Variants in TYW5 observed in about 807,000 individuals in gnomAD.
TYW5 encodes tRNA wybutosine-synthesizing protein 5.
TYW5 carries 36 observed loss-of-function variants against 44.4 expected under a neutral mutation model. The ratio of observed to expected loss-of-function variants is 0.81; its 90% CI spans 0.62 to 1.07. The LOEUF (loss-of-function observed/expected upper bound fraction) is 1.07. Ranked by LOEUF, TYW5 falls within the 50% of genes least tolerant of loss-of-function variation. The pLI is 0.00. For synonymous variants in TYW5, 121 were observed against 128.1 expected (o/e 0.94, Z 0.37); for missense variants, 354 against 365.7 (o/e 0.97, Z 0.26).
At position 199,933,194 on chromosome 2, in the gene TYW5, C is replaced by T; in HGVS notation, c.821G>A (p.Arg274Lys). ...YGNKDPTAAS[R>K]AAQILDRALK... is the part of the protein sequence containing the mutation. ...GGCTCTGTCCAGAATTTGTGCAGCT[C>T]TTGATGCTGCTGTAGGATCTTTGTT... The change falls in exon 8 of 8, where the codon AGA becomes AAA. Residue 274 changes from arginine (R) to lysine (K), a missense_variant. By Grantham distance (26) the Arg-to-Lys change is conservative (BLOSUM62 2). Coordinates refer to ENST00000354611, the MANE Select transcript of TYW5 (RefSeq NM_001039693.3). The T allele has an allele frequency of 6.2e-7, 1 of 1,614,118 alleles. No homozygotes were observed. Among genetic ancestry groups the T allele is most frequent in the Non-Finnish European group, 8.5e-7 (1 of 1,180,030 alleles).
Position 199,950,727 on chromosome 2 carries a change from GC to G in TYW5, c.79-2256del, listed in dbSNP as rs556537312. ...TGTCCAGGATTGGTTCCTACCTTGTGCCCTGAGCTGCCAGGAGAGACTCTGG... is the reference window on the plus strand; with the variant it reads ...TGTCCAGGATTGGTTCCTACCTTGTGCCTGAGCTGCCAGGAGAGACTCTGG... On this transcript the variant is annotated intron_variant, in intron 1 of 7. Transcript: ENST00000354611. Among the ~76,000 whole-genome samples, 8 of 152,290 alleles carry G rather than the reference GC, an allele frequency of 5.3e-5. No individual in the cohort carries two copies. The South Asian group carries it at 1.7e-3, about 32-fold the overall frequency.
rs754249115 is a variant in TYW5 at position 199,932,403 on chromosome 2, T to C, written c.*664A>G. 3.3e-5 allele frequency: 5 copies of C among 152,274 alleles called. No individual in the cohort carries two copies. Among genetic ancestry groups the C allele is most frequent in the Non-Finnish European group, 5.9e-5 (4 of 68,070 alleles). 9.4% of individuals were successfully genotyped at this position (152,274 alleles called of 1,614,324 possible). On this transcript the variant is annotated 3_prime_UTR_variant, in exon 8 of 8. Transcript: ENST00000354611. ...CCTTTCTGTCCCCATATATCCCTCA[T>C]GTGGCCTCCACTTCTACTCTCAGCT...
At chr2:199,954,631 T>C (rs534462529) in intron 1 of TYW5, among the ~76,000 whole-genome samples, 3 of 151,912 alleles carry the variant, frequency 2.0e-5, no homozygotes, top group African/African-American at 7.2e-5. Context: ...ATGGGATTTC[T>C]ACTGGCTGGT....
intron 1 of TYW5, among the ~76,000 whole-genome samples, chr2:199,948,712 A>G (rs931144935): frequency 2.6e-5 from 4 of 152,218 alleles, no homozygotes; most frequent in African/African-American, 9.6e-5. Context: ...ATCAATATAT[A>G]ATGACTAAAA....
At chr2:199,936,665 T>C (rs1012079836) in intron 5 of TYW5, among the ~76,000 whole-genome samples, 173 bp from the exon 6 acceptor site, 3 of 152,230 alleles carry the variant, frequency 2.0e-5, no homozygotes, top group Non-Finnish European at 4.4e-5. Flanking sequence ...CAACTGGGCC[T>C]TCAAGACATT....
rs10627509 is a variant in TYW5 at position 199,930,769 on chromosome 2, G to GAGAA, written c.*2294_*2297dup. The GAGAA allele has an allele frequency of 0.83, 125,831 of 151,808 alleles. 52,225 individuals are homozygous for GAGAA. Among genetic ancestry groups the GAGAA allele is most frequent in the South Asian group, 0.91 (4,379 of 4,820 alleles). The allele number at this position is 151,808 out of a possible 1,614,324, so 9.4% of individuals were successfully genotyped here. A position where few individuals can be genotyped will look rare whatever the true frequency, so the allele number is the denominator to read the frequency against. ...TACTGGAGATGTGCTGCACATTAGG[G>GAGAA]AGAATGGAGAATTACTGGTCACAAC... On this transcript the variant is annotated 3_prime_UTR_variant, in exon 8 of 8. Transcript: ENST00000354611.
intron 1 of TYW5, among the ~76,000 whole-genome samples, chr2:199,953,795 A>G (rs2077567636): frequency 6.6e-6 from 1 of 152,190 alleles, no homozygotes; most frequent in Non-Finnish European, 1.5e-5. Context: ...ATGGCCAGAG[A>G]AAGTTGTTTG....
chr2:199,933,273 T>C lies in TYW5; in HGVS notation c.742A>G (p.Ile248Val), dbSNP rs1354802733. Residue 248 changes from isoleucine (I) to valine (V), a missense_variant, in exon 8 of 8, where the codon ATC (isoleucine) becomes GTC (valine). Physicochemically the swap from Ile to Val is conservative, Grantham distance 29. Transcript: ENST00000354611. Reference protein sequence around the residue: ...ISEEFGVGVNIFWKHLPSECY... With the variant: ...ISEEFGVGVNVFWKHLPSECY... The stretch of plus-strand genomic sequence containing the variant: ...TCAGATGGAAGGTGCTTCCAAAAGA[T>C]ATTCACTCCCACTCCAAACTCTTCA... The C allele has an allele frequency of 1.9e-6, 3 of 1,613,834 alleles. No homozygotes were observed. The African/African-American group carries it at 4.0e-5, about 22-fold the overall frequency.
chr2:199,936,918 CTT>C (rs1404954498), intron 5 of TYW5, among the ~76,000 whole-genome samples: 8 of 152,240 alleles, frequency 5.3e-5, no homozygotes, highest in African/African-American at 1.9e-4. Context: ...CTGCTACACT[CTT>C]AATATATGTT....
intron 2 of TYW5, chr2:199,945,868 G>A (rs1393862442): frequency 6.6e-6 from 1 of 152,198 alleles, no homozygotes; most frequent in Non-Finnish European, 1.5e-5. Context: ...GCCCAGATGG[G>A]GGAGAAATTA....
At chr2:199,953,706 C>T (rs1159679084) in intron 1 of TYW5, among the ~76,000 whole-genome samples, 2 of 152,130 alleles carry the variant, frequency 1.3e-5, no homozygotes, top group East Asian at 3.9e-4. Context: ...TAGCACTATG[C>T]CCCCTCATAC....
At chr2:199,939,674 A>C (rs2077449547) in intron 4 of TYW5, among the ~76,000 whole-genome samples, 1 of 152,176 alleles carries the variant, frequency 6.6e-6, no homozygotes, top group Non-Finnish European at 1.5e-5. Context: ...AAATGGAAAA[A>C]ATAATCTTAT....
At chr2:199,940,513 C>T (rs550357503) in intron 3 of TYW5, among the ~76,000 whole-genome samples, 2 of 151,506 alleles carry the variant, frequency 1.3e-5, no homozygotes, top group African/African-American at 4.9e-5. Flanking sequence ...CATGGTGGTA[C>T]GTGCCTGTAG....
chr2:199,940,179 T>C lies in TYW5; in HGVS notation c.304-46A>G, dbSNP rs1445275574. 3 of 1,558,124 alleles carry C rather than the reference T, an allele frequency of 1.9e-6. No individual in the cohort carries two copies. The Admixed American group carries it at 5.2e-5, about 27-fold the overall frequency. ...ATAACATCAGCAATATTTTACTTTT[T>C]CAAATGTAAAAATACTAGGATTTGT... is the stretch of plus-strand genomic sequence containing the variant. On this transcript the variant is annotated intron_variant, in intron 3 of 7. Transcript: ENST00000354611.
At chr2:199,953,863 G>A (rs1441805337) in intron 1 of TYW5, among the ~76,000 whole-genome samples, 2 of 152,166 alleles carry the variant, frequency 1.3e-5, no homozygotes, top group Admixed American at 6.5e-5. Context: ...TGTCTGAAGA[G>A]ATTAAATTAC....
rs180880714 is a variant in TYW5, at chr2:199,933,704, T to C, written c.692-381A>G. On this transcript the variant is annotated intron_variant, in intron 7 of 7. Coordinates refer to ENST00000354611, the MANE Select transcript of TYW5 (RefSeq NM_001039693.3). The stretch of plus-strand genomic sequence containing the variant: ...GTTTATTTTTTGGTACACAGAACAT[T>C]TCAATTACTTGAGGAGTATCTTTGA... 2.7e-3 allele frequency among the ~76,000 whole-genome samples: 415 copies of C among 152,322 alleles called. 1 individual carries two copies. The highest frequency in any genetic ancestry group is 4.5e-3 in the Non-Finnish European group (307 of 68,018).
intron 7 of TYW5, 46 bp downstream of exon 7, chr2:199,935,885 G>A: frequency 1.6e-6 from 2 of 1,221,194 alleles, no homozygotes; most frequent in South Asian, 1.3e-5. Flanking sequence ...GAGTGACAGA[G>A]TACACATTTT....
rs1295870568 is a variant in TYW5, at chr2:199,932,915, T to C, written c.*152A>G. On this transcript the variant is annotated 3_prime_UTR_variant, in exon 8 of 8. Coordinates refer to ENST00000354611, the MANE Select transcript of TYW5 (RefSeq NM_001039693.3). ...GTCCCAGCACAGCATTCTTTAATTA[T>C]AACAATCTGTATCAAGTAGAATCCA... The C allele has an allele frequency of 2.5e-5, 22 of 875,936 alleles. No individual in the cohort carries two copies. The highest frequency in any genetic ancestry group is 3.5e-5 in the Non-Finnish European group (21 of 591,650). The allele number at this position is 875,936 out of a possible 1,614,324, so 54.3% of individuals were successfully genotyped here.
chr2:199,938,883 T>C, intron 5 of TYW5, 50 bp downstream of exon 5: 1 of 1,522,534 alleles, frequency 6.6e-7, no homozygotes, highest in Non-Finnish European at 8.8e-7. Flanking sequence ...GTTAAATCTA[T>C]AATGCTAAAG....
Sources: allele counts gnomAD v4.1 joint callset (sites outside exome capture counted in the v4.1 genomes callset), GRCh38; gene constraint gnomAD v4.1.1; transcripts MANE v1.5; gene names NCBI Gene and HGNC (gene_info 2026-07-23, HGNC 2026-07-21).